C7orf33: variants seen among roughly 807,000 people sequenced by gnomAD.
The protein encoded by C7orf33 is chromosome 7 open reading frame 33, also known as uncharacterized protein C7orf33.
In C7orf33, 15 loss-of-function variants were observed where a neutral mutation model predicts 13.4. The ratio of observed to expected loss-of-function variants is 1.12; its 90% CI spans 0.75 to 1.72. The LOEUF (loss-of-function observed/expected upper bound fraction) is 1.72. Ranked by LOEUF, C7orf33 falls within the 40% of genes most tolerant of loss-of-function variation. C7orf33 has a pLI of 0.00. For missense variants in C7orf33, 187 were observed against 220.3 expected, an observed-to-expected ratio of 0.85 and a Z score of 0.96; for synonymous variants, 73 against 83.2, an observed-to-expected ratio of 0.88 and a Z score of 0.67.
chr7:148,591,262 A>G lies in C7orf33; in HGVS notation c.204+133A>G, dbSNP rs7794865. On this transcript the variant is annotated intron_variant, in intron 1 of 2. Coordinates refer to ENST00000307003, the MANE Select transcript of C7orf33 (RefSeq NM_145304.4). ...ATGGAACTGGGCTTAACGACATTGA[A>G]GTAAAGAGAGAGACAGAGATTAATT... 2.8e-3 allele frequency: 2,111 copies of G among 762,612 alleles called. 37 individuals are homozygous for G. In the African/African-American group the frequency reaches 0.034, roughly 12 times the overall value. The allele number at this position is 762,612 out of a possible 1,614,324, so 47.2% of individuals were successfully genotyped here.
At chr7:148,614,334 G>A (rs1474250720) in intron 2 of C7orf33, 38 bp downstream of exon 2, 3 of 1,590,754 alleles carry the variant, frequency 1.9e-6, no homozygotes, top group African/African-American at 2.7e-5. Context: ...CAAGTTTAAG[G>A]AAACCCACGG....
In C7orf33 at chr7:148,614,220, C is replaced by T. The variant is rs534493236; in HGVS notation, c.383C>T (p.Thr128Ile). 1 of 1,614,192 alleles carries T rather than the reference C, an allele frequency of 6.2e-7. No homozygotes were observed. The highest frequency in any genetic ancestry group is 1.1e-5 in the South Asian group (1 of 91,088). ...MGLSSDPVVG[T>I]LSSSYLDLLT... ...TTGTCCTCAGATCCAGTTGTCGGCA[C>T]CTTGTCTTCCAGTTACCTAGATCTG... Residue 128 changes from threonine (T) to isoleucine (I), a missense_variant, in exon 2 of 3, where the codon ACC (threonine) becomes ATC (isoleucine). Physicochemically the swap from Thr to Ile is moderately conservative, Grantham distance 89. Coordinates refer to ENST00000307003, the MANE Select transcript of C7orf33 (RefSeq NM_145304.4).
rs558202309 is a variant in C7orf33, at chr7:148,610,600, T to C, written c.205-3442T>C. On this transcript the variant is annotated intron_variant, in intron 1 of 2. Coordinates refer to ENST00000307003, the MANE Select transcript of C7orf33 (RefSeq NM_145304.4). ...TTTTATGTGTGTATATATATCCTAT[T>C]AGTTCTGTCGCTCTGGGGAACCCTA... Among the ~76,000 whole-genome samples the C allele has an allele frequency of 2.6e-5, 4 of 152,266 alleles. No homozygotes were observed. The South Asian group carries it at 8.3e-4, about 32-fold the overall frequency.
chr7:148,591,813 T>C (rs1400897092), intron 1 of C7orf33, among the ~76,000 whole-genome samples: 1 of 152,086 alleles, frequency 6.6e-6, no homozygotes, highest in Non-Finnish European at 1.5e-5. Context: ...ACTCCTGTCC[T>C]CAAACGATCC....
chr7:148,594,761 A>G (rs912829033), intron 1 of C7orf33, among the ~76,000 whole-genome samples: 5 of 152,216 alleles, frequency 3.3e-5, no homozygotes, highest in African/African-American at 1.2e-4. Context: ...AATATATTCA[A>G]TATATTTCAG....
chr7:148,606,251 A>G (rs939738876), intron 1 of C7orf33, among the ~76,000 whole-genome samples: 1 of 152,220 alleles, frequency 6.6e-6, no homozygotes, highest in Non-Finnish European at 1.5e-5. Flanking sequence ...TTTATCAAGT[A>G]CCTTCTATGT....
At chr7:148,594,381 T>C (rs1796304950) in intron 1 of C7orf33, among the ~76,000 whole-genome samples, 1 of 152,090 alleles carries the variant, frequency 6.6e-6, no homozygotes, top group Non-Finnish European at 1.5e-5. Context: ...TTTCACCATG[T>C]TAGCCAGGAT....
chr7:148,598,261 G>T (rs1428255913), intron 1 of C7orf33, among the ~76,000 whole-genome samples: 1 of 151,506 alleles, frequency 6.6e-6, no homozygotes, highest in Non-Finnish European at 1.5e-5. Context: ...TTGCTGTTTT[G>T]TGTGCCATTC....
At chr7:148,614,352 T>C in intron 2 of C7orf33, 56 bp downstream of exon 2, 1 of 1,548,110 alleles carries the variant, frequency 6.5e-7, no homozygotes, top group Non-Finnish European at 8.8e-7. Context: ...CGGGATGCTC[T>C]GAAACTTCCA....
At chr7:148,601,870 C>T (rs117709374) in intron 1 of C7orf33, among the ~76,000 whole-genome samples, 8,045 of 152,176 alleles carry the variant, frequency 0.053, 320 homozygotes, top group Non-Finnish European at 0.082. Context: ...ACCTCAGCCT[C>T]CTGAGTAGCT....
intron 1 of C7orf33, among the ~76,000 whole-genome samples, chr7:148,591,922 C>T (rs1163350151): frequency 6.6e-6 from 1 of 152,160 alleles, no homozygotes; most frequent in Admixed American, 6.5e-5. Flanking sequence ...GATCCCCAAG[C>T]CCCTGCCTCC....
At chr7:148,591,742 A>G (rs1796273830) in intron 1 of C7orf33, among the ~76,000 whole-genome samples, 1 of 152,196 alleles carries the variant, frequency 6.6e-6, no homozygotes, top group Non-Finnish European at 1.5e-5. Flanking sequence ...CATCAGGCTT[A>G]GCTAATTTTT....
chr7:148,593,439 A>AT (rs1796291603), intron 1 of C7orf33, among the ~76,000 whole-genome samples: 1 of 151,606 alleles, frequency 6.6e-6, no homozygotes, highest in Non-Finnish European at 1.5e-5. Context: ...ATTTTTTTGT[A>AT]TTTTTAGTAG....
In C7orf33 at chr7:148,591,037, C is replaced by A. The variant is rs1453403623; in HGVS notation, c.112C>A (p.Leu38Ile). The A allele has an allele frequency of 6.2e-7, 1 of 1,614,030 alleles. No homozygotes were observed. Among genetic ancestry groups the A allele is most frequent in the Non-Finnish European group, 8.5e-7 (1 of 1,180,034 alleles). Residue 38 changes from leucine (L) to isoleucine (I), a missense_variant, in exon 1 of 3, where the codon CTT becomes ATT. Coordinates refer to ENST00000307003, the MANE Select transcript of C7orf33 (RefSeq NM_145304.4). ...CAGTGGGGCAAGGCGCCGGATTGAC[C>A]TTCGCCTGAGTGGGAGGGCAGTCGC... ...LPSGARRRID[L>I]RLSGRAVAVW...
chr7:148,601,968 C>CA (rs1796422124), intron 1 of C7orf33, among the ~76,000 whole-genome samples: 1 of 151,930 alleles, frequency 6.6e-6, no homozygotes, highest in South Asian at 2.1e-4. Context: ...AAACTGGTCT[C>CA]AAACTCCTGG....
Position 148,598,035 on chromosome 7 carries a change from G to A in C7orf33, c.204+6906G>A, listed in dbSNP as rs558404738. Among the ~76,000 whole-genome samples, 613 of 152,288 alleles carry A rather than the reference G, an allele frequency of 4.0e-3. 4 individuals are homozygous for A. The highest frequency in any genetic ancestry group is 6.5e-3 in the Non-Finnish European group (443 of 68,018). On this transcript the variant is annotated intron_variant, in intron 1 of 2. Coordinates refer to ENST00000307003, the MANE Select transcript of C7orf33 (RefSeq NM_145304.4). ...CTCCAAAAGTATTGGGATTACAGGA[G>A]TGAGCCACGGCGCCCAGCCTCCCTT...
rs566975505 is a variant in C7orf33, at chr7:148,612,972, T to G, written c.205-1070T>G. On this transcript the variant is annotated intron_variant, in intron 1 of 2. Transcript: ENST00000307003. ...AATCAGTATATCATCACCTAAAATATTTATCATTTTCTTGTGCCATAAACA... is the reference window on the plus strand; with the variant it reads ...AATCAGTATATCATCACCTAAAATAGTTATCATTTTCTTGTGCCATAAACA... Among the ~76,000 whole-genome samples the G allele has an allele frequency of 2.6e-4, 40 of 152,240 alleles. No homozygotes were observed. The East Asian group carries it at 7.3e-3, about 28-fold the overall frequency.
rs549712040 is a variant in C7orf33, at chr7:148,591,084, C to A, written c.159C>A (p.Gly53=). ...RAVAVWVHVR[G]GPGQFNLSYA... The stretch of plus-strand genomic sequence containing the variant: ...TCGCTGTTTGGGTCCACGTTAGGGG[C>A]GGTCCAGGTCAATTTAACTTGTCAT... Residue 53 remains glycine (G), a synonymous_variant, in exon 1 of 3, where the codon GGC becomes GGA. Coordinates refer to ENST00000307003, the MANE Select transcript of C7orf33 (RefSeq NM_145304.4). 5 of 1,613,456 alleles carry A rather than the reference C, an allele frequency of 3.1e-6. No homozygotes were observed. The highest frequency in any genetic ancestry group is 4.2e-6 in the Non-Finnish European group (5 of 1,179,864).
At chr7:148,596,973 C>T (rs1796346766) in intron 1 of C7orf33, among the ~76,000 whole-genome samples, 1 of 152,168 alleles carries the variant, frequency 6.6e-6, no homozygotes, top group Non-Finnish European at 1.5e-5. Context: ...CTTCCTTCAG[C>T]CTTTCCATGA....
Sources: gnomAD v4.1 joint callset for allele counts (sites outside exome capture counted in the v4.1 genomes callset) on GRCh38, gnomAD v4.1.1 for gene constraint, MANE v1.5 for transcripts, NCBI Gene and HGNC (gene_info 2026-07-23, HGNC 2026-07-21) for gene names.